Variants in PAK2 observed in about 807,000 individuals in gnomAD.
The protein encoded by PAK2 is p21 (RAC1) activated kinase 2, also known as serine/threonine-protein kinase PAK 2.
A neutral mutation model predicts 65.9 loss-of-function variants in PAK2; 21 were observed. That is an observed-to-expected ratio of 0.32 (90% CI 0.23 to 0.46). PAK2 has a LOEUF of 0.46. Among genes scored for constraint, PAK2 ranks in the 20% least tolerant of loss-of-function variants. The pLI is 1.00. For missense variants in PAK2, 324 were observed against 642.6 expected, an observed-to-expected ratio of 0.50 and a Z score of 5.36; for synonymous variants, 204 against 219.7, an observed-to-expected ratio of 0.93 and a Z score of 0.63.
rs1232255395 is a variant in PAK2 at position 196,828,426 on chromosome 3, A to T, written c.*21A>T. 9 of 1,410,418 alleles carry T rather than the reference A, an allele frequency of 6.4e-6. No homozygotes were observed. The highest frequency in any genetic ancestry group is 9.0e-6 in the Non-Finnish European group (9 of 1,003,260). 87.4% of individuals were successfully genotyped at this position (1,410,418 alleles called of 1,614,324 possible). A position where few individuals can be genotyped will look rare whatever the true frequency, so the allele number is the denominator to read the frequency against. ...GTTAACATCACTGCTGTGGCCTCAT[A>T]CTCTTTTTTCCATTTTCTACAAGAA... On this transcript the variant is annotated 3_prime_UTR_variant, in exon 15 of 15. Transcript: ENST00000327134.
intron 1 of PAK2, among the ~76,000 whole-genome samples, chr3:196,764,166 T>C (rs1413787810): frequency 6.6e-6 from 1 of 152,132 alleles, no homozygotes; most frequent in Non-Finnish European, 1.5e-5. Flanking sequence ...CTAAACTTTA[T>C]AAACAGACAC....
intron 1 of PAK2, among the ~76,000 whole-genome samples, chr3:196,765,065 C>T (rs1207124306): frequency 6.6e-6 from 1 of 150,740 alleles, no homozygotes; most frequent in Non-Finnish European, 1.5e-5. Context: ...AGGATGGTCT[C>T]GATCTTCTGA....
chr3:196,818,448 C>A (rs1299451344), intron 12 of PAK2, among the ~76,000 whole-genome samples: 1 of 152,040 alleles, frequency 6.6e-6, no homozygotes, highest in Admixed American at 6.6e-5. Flanking sequence ...TGGAGTGCAA[C>A]CTCCGCCTCC....
At chr3:196,819,017 A>G (rs1711564992) in intron 12 of PAK2, among the ~76,000 whole-genome samples, 1 of 152,236 alleles carries the variant, frequency 6.6e-6, no homozygotes, top group Non-Finnish European at 1.5e-5. Flanking sequence ...AGAATTTCTG[A>G]ACTTACATAC....
In PAK2 at chr3:196,767,729, C is replaced by T. The variant is rs541048329; in HGVS notation, c.-21-14897C>T. Among the ~76,000 whole-genome samples the T allele has an allele frequency of 5.0e-3, 763 of 152,204 alleles. 4 individuals are homozygous for T. Among genetic ancestry groups the T allele is most frequent in the Non-Finnish European group, 8.6e-3 (587 of 68,018 alleles). ...CAGGATGGTCTCGATCTCCTGACCT[C>T]GTGATCCGCCCGCTTCGGCCTCCCA... On this transcript the variant is annotated intron_variant, in intron 1 of 14. Coordinates refer to ENST00000327134, the MANE Select transcript of PAK2 (RefSeq NM_002577.4).
Position 196,791,932 on chromosome 3 carries a change from AAAAAAG to A in PAK2, c.187+9103_187+9108del, listed in dbSNP as rs1339916076. On this transcript the variant is annotated intron_variant, in intron 2 of 14. Coordinates refer to ENST00000327134, the MANE Select transcript of PAK2 (RefSeq NM_002577.4). The surrounding 1 kb of genome is among the most constrained non-coding windows in gnomAD (Gnocchi z 4.0). Reference sequence around the variant, plus strand: ...AGAGCGAGACTCCGTCAAAAAAAAAAAAAAAGAAATAGAATTCCTGGGCTCAGTTTC... The same window carrying A: ...AGAGCGAGACTCCGTCAAAAAAAAAAAAATAGAATTCCTGGGCTCAGTTTC... Among the ~76,000 whole-genome samples the A allele has an allele frequency of 1.3e-5, 2 of 152,090 alleles. No homozygotes were observed. Among genetic ancestry groups the A allele is most frequent in the Non-Finnish European group, 2.9e-5 (2 of 67,962 alleles).
chr3:196,808,583 G>A (rs529507013), intron 7 of PAK2, among the ~76,000 whole-genome samples: 25 of 117,130 alleles, frequency 2.1e-4, no homozygotes, highest in Non-Finnish European at 3.5e-4. Context: ...AAAGCGAACC[G>A]GCCGGGCACT....
chr3:196,817,635 G>C (rs1711519018), intron 11 of PAK2, among the ~76,000 whole-genome samples: 3 of 151,782 alleles, frequency 2.0e-5, no homozygotes, highest in Non-Finnish European at 4.4e-5. Flanking sequence ...TTACAGAAGT[G>C]AGCCACCATG....
At chr3:196,825,484 A>G (rs538722349) in intron 13 of PAK2, among the ~76,000 whole-genome samples, 1 of 152,090 alleles carries the variant, frequency 6.6e-6, no homozygotes, top group Non-Finnish European at 1.5e-5. Context: ...TCTACTGAAA[A>G]TACAAAAAAT....
chr3:196,786,113 T>C (rs369020483), intron 2 of PAK2, among the ~76,000 whole-genome samples: 5 of 152,166 alleles, frequency 3.3e-5, no homozygotes, highest in African/African-American at 1.2e-4. Context: ...TTCAGTAGTA[T>C]ATTTTAATGA....
chr3:196,811,344 C>CCCTTCCCTTCCCTTCCTTCCCTT lies in PAK2; in HGVS notation c.773+697_773+698insCTTCCCTTCCTTCCCTTCCTTCC, dbSNP rs753331458. 6.1e-3 allele frequency among the ~76,000 whole-genome samples: 81 copies of CCCTTCCCTTCCCTTCCTTCCCTT among 13,192 alleles called. 23 individuals are homozygous for CCCTTCCCTTCCCTTCCTTCCCTT. The highest frequency in any genetic ancestry group is 0.042 in the East Asian group (2 of 48). 8.7% of individuals were successfully genotyped at this position (13,192 alleles called of 152,430 possible). ...CTTCCTTCCCTTCCCTCCCTTCCCTCCCTTCCTTCCCTCCCTTCCCTTCCT... is the reference window on the plus strand; with the variant it reads ...CTTCCTTCCCTTCCCTCCCTTCCCTCCCTTCCCTTCCCTTCCTTCCCTTCCTTCCTTCCCTCCCTTCCCTTCCT... On this transcript the variant is annotated intron_variant, in intron 8 of 14. Coordinates refer to ENST00000327134, the MANE Select transcript of PAK2 (RefSeq NM_002577.4).
chr3:196,766,921 A>C (rs1489846598), intron 1 of PAK2, among the ~76,000 whole-genome samples: 2 of 143,936 alleles, frequency 1.4e-5, no homozygotes, highest in Non-Finnish European at 3.0e-5. Context: ...AAATAGAAAC[A>C]AGTACACCCC....
chr3:196,812,161 A>G (rs2108765752), intron 8 of PAK2, 58 bp from the exon 9 acceptor site: 1 of 919,916 alleles, frequency 1.1e-6, no homozygotes, highest in Non-Finnish European at 1.8e-6. Context: ...GTCTTTGGAT[A>G]TTGCAAATGC....
chr3:196,772,826 A>G (rs1255682948), intron 1 of PAK2, among the ~76,000 whole-genome samples: 7 of 152,204 alleles, frequency 4.6e-5, no homozygotes, highest in Non-Finnish European at 1.0e-4. Context: ...GATTGTTGAA[A>G]GTCTGGGTGA....
intron 1 of PAK2, among the ~76,000 whole-genome samples, chr3:196,746,759 G>GC: frequency 6.7e-6 from 1 of 149,652 alleles, no homozygotes; most frequent in Non-Finnish European, 1.5e-5. Flanking sequence ...GCAGTGAGCC[G>GC]AGATCGTGCC....
intron 11 of PAK2, among the ~76,000 whole-genome samples, chr3:196,817,156 ATTTTT>A (rs11314877): frequency 8.3e-5 from 7 of 84,766 alleles, no homozygotes; most frequent in Admixed American, 1.5e-4. Flanking sequence ...GAAAGAGGCA[ATTTTT>A]TTTTTTTTTT....
rs145178969 is a variant in PAK2 at position 196,830,228 on chromosome 3, A to G, written c.*1823A>G. On this transcript the variant is annotated 3_prime_UTR_variant, in exon 15 of 15. Transcript: ENST00000327134. Reference sequence around the variant, plus strand: ...TTGATAAGGCAAGATTTTCAGAAAAATGAGTAAAATAATTAATGAAACATA... The same window carrying G: ...TTGATAAGGCAAGATTTTCAGAAAAGTGAGTAAAATAATTAATGAAACATA... 1.1e-3 allele frequency: 175 copies of G among 152,328 alleles called. 1 individual carries two copies. The highest frequency in any genetic ancestry group is 3.8e-3 in the African/African-American group (158 of 41,576). 9.4% of individuals were successfully genotyped at this position (152,328 alleles called of 1,614,324 possible). A position where few individuals can be genotyped will look rare whatever the true frequency, so the allele number is the denominator to read the frequency against.
chr3:196,797,472 G>C (rs958931909), intron 2 of PAK2, among the ~76,000 whole-genome samples: 1 of 149,604 alleles, frequency 6.7e-6, no homozygotes, highest in African/African-American at 2.5e-5. Flanking sequence ...CAAAATAATA[G>C]GCTGGGCGCA....
intron 2 of PAK2, among the ~76,000 whole-genome samples, chr3:196,788,664 A>C (rs558973202): frequency 1.3e-5 from 2 of 152,218 alleles, no homozygotes; most frequent in African/African-American, 4.8e-5. Flanking sequence ...AGTGCACAAC[A>C]TGTGTCCAAT....
Sources: allele counts gnomAD v4.1 joint callset (sites outside exome capture counted in the v4.1 genomes callset), GRCh38; gene constraint gnomAD v4.1.1; non-coding constraint Gnocchi (gnomAD v3.1); transcripts MANE v1.5; gene names NCBI Gene and HGNC (gene_info 2026-07-23, HGNC 2026-07-21).